HDHD2: variants seen among roughly 807,000 people sequenced by gnomAD.
HDHD2 encodes the protein haloacid dehalogenase-like hydrolase domain-containing protein 2.
In HDHD2, 26 loss-of-function variants were observed where a neutral mutation model predicts 24.8. That is an observed-to-expected ratio of 1.05 (90% CI 0.77 to 1.45). The LOEUF (loss-of-function observed/expected upper bound fraction) is 1.45, where lower values mean the gene tolerates loss of function less well. Among genes scored for constraint, HDHD2 ranks in the 40% most tolerant of loss-of-function variants. The pLI is 0.00. For missense variants in HDHD2, 299 were observed against 313.4 expected (o/e 0.95, Z 0.35); for synonymous variants, 128 against 114.9 (o/e 1.11, Z -0.73).
intron 4 of HDHD2, among the ~76,000 whole-genome samples, chr18:47,123,801 T>C (rs1185513562): frequency 6.6e-6 from 1 of 152,224 alleles, no homozygotes; most frequent in African/African-American, 2.4e-5. Flanking sequence ...GTACATACTG[T>C]CCAAATCCAT....
At chr18:47,112,926 G>T in intron 6 of HDHD2, 51 bp downstream of exon 6, 1 of 1,436,154 alleles carries the variant, frequency 7.0e-7, no homozygotes, top group Non-Finnish European at 9.8e-7. Flanking sequence ...TTAAGCAACT[G>T]TGTATTCTAC....
intron 1 of HDHD2, among the ~76,000 whole-genome samples, chr18:47,138,681 T>C (rs2571002): frequency 6.6e-6 from 1 of 152,046 alleles, no homozygotes; most frequent in Non-Finnish European, 1.5e-5. Context: ...AAATGATTTT[T>C]TCCACGATTC....
intron 1 of HDHD2, among the ~76,000 whole-genome samples, chr18:47,141,533 C>G (rs1025582067): frequency 2.6e-5 from 4 of 152,174 alleles, no homozygotes; most frequent in African/African-American, 9.7e-5. Context: ...TCAAATTCTT[C>G]TGTGAGAAAG....
chr18:47,146,304 A>G (rs1273484967), intron 1 of HDHD2, among the ~76,000 whole-genome samples: 3 of 152,116 alleles, frequency 2.0e-5, no homozygotes, highest in Non-Finnish European at 4.4e-5. Flanking sequence ...GGTAATCAGG[A>G]AAATGCAAAT....
At chr18:47,111,264 T>G (rs111517736) in intron 6 of HDHD2, 2 of 984,410 alleles carry the variant, frequency 2.0e-6, no homozygotes, top group Non-Finnish European at 2.4e-6. Context: ...CCAGTCACAA[T>G]AGACGACAGA....
rs143862755 is a variant in HDHD2, at chr18:47,130,304, G to A, written c.335C>T (p.Ala112Val). The change falls in exon 4 of 7, where the codon GCT becomes GTT. Residue 112 changes from alanine to valine, a missense_variant. Coordinates refer to ENST00000300605, the MANE Select transcript of HDHD2 (RefSeq NM_032124.5). ...FKGIQTSDPN[A>V]VVMGLAPEHF... ...TTCTGGTGCCAATCCCATGACCACA[G>A]CATTAGGATCACTTGTTTGTATTCC... 317 of 1,602,182 alleles carry A rather than the reference G, an allele frequency of 2.0e-4. 1 individual carries two copies. Among genetic ancestry groups the A allele is most frequent in the Middle Eastern group, 6.6e-4 (4 of 6,060 alleles).
chr18:47,129,318 A>C (rs918441527), intron 4 of HDHD2, among the ~76,000 whole-genome samples: 178 of 152,238 alleles, frequency 1.2e-3, no homozygotes, highest in Non-Finnish European at 2.1e-3. Context: ...TTTAAGTGAA[A>C]TGCACACATT....
chr18:47,137,261 G>T, intron 1 of HDHD2: 1 of 552,540 alleles, frequency 1.8e-6, no homozygotes, highest in East Asian at 3.8e-5. Flanking sequence ...GGAGGCTGAA[G>T]ATACAATGGA....
At position 47,108,646 on chromosome 18, in the gene HDHD2, G is replaced by T; in HGVS notation, c.*36C>A. 9.1e-7 allele frequency: 1 copy of T among 1,104,894 alleles called. No individual in the cohort carries two copies. The highest frequency in any genetic ancestry group is 1.4e-6 in the Non-Finnish European group (1 of 729,480). The allele number at this position is 1,104,894 out of a possible 1,614,324, so 68.4% of individuals were successfully genotyped here. A position where few individuals can be genotyped will look rare whatever the true frequency, so the allele number is the denominator to read the frequency against. On this transcript the variant is annotated 3_prime_UTR_variant, in exon 7 of 7. Transcript: ENST00000300605. ...AGGGATTCATTCCAGACAATAAGAA[G>T]CTGCATTTCAAGTTGCTTCAGATGC... is the stretch of plus-strand genomic sequence containing the variant.
chr18:47,146,892 G>A (rs1428653117), intron 1 of HDHD2, among the ~76,000 whole-genome samples: 1 of 152,136 alleles, frequency 6.6e-6, no homozygotes, highest in Non-Finnish European at 1.5e-5. Context: ...CAAACCAAGA[G>A]GAGCGCAAAG....
At chr18:47,128,468 G>A (rs928845972) in intron 4 of HDHD2, among the ~76,000 whole-genome samples, 1 of 152,206 alleles carries the variant, frequency 6.6e-6, no homozygotes, top group African/African-American at 2.4e-5. Flanking sequence ...TTAAGGAGCA[G>A]ATGGCATAGT....
intron 5 of HDHD2, among the ~76,000 whole-genome samples, chr18:47,114,730 T>G (rs940113147): frequency 6.6e-6 from 1 of 152,082 alleles, no homozygotes; most frequent in East Asian, 1.9e-4. Flanking sequence ...AAAAAAACAA[T>G]AGTGGTAGAA....
At chr18:47,146,508 G>T (rs1039997993) in intron 1 of HDHD2, among the ~76,000 whole-genome samples, 1 of 152,316 alleles carries the variant, frequency 6.6e-6, no homozygotes, top group South Asian at 2.1e-4. Flanking sequence ...ACCTTTGAGA[G>T]ATTCTTTCAC....
At chr18:47,128,995 G>T (rs11875258) in intron 4 of HDHD2, among the ~76,000 whole-genome samples, 3,995 of 151,654 alleles carry the variant, frequency 0.026, 61 homozygotes, top group Non-Finnish European at 0.041. Context: ...AGAAAATTCT[G>T]GTTTGTTTTT....
intron 4 of HDHD2, among the ~76,000 whole-genome samples, chr18:47,129,570 C>G (rs994522830): frequency 6.6e-6 from 1 of 152,138 alleles, no homozygotes. Context: ...TTTTCTTCAT[C>G]TCCACTGCCA....
rs1357997189 is a variant in HDHD2, at chr18:47,125,162, T to C, written c.395+5082A>G. On this transcript the variant is annotated intron_variant, in intron 4 of 6. Transcript: ENST00000300605. ...GGGTGACAGAGCAAGACCCTGTCTT[T>C]GAAAAAAATAACAACAAAAAAAAAC... Among the ~76,000 whole-genome samples, 3 of 151,662 alleles carry C rather than the reference T, an allele frequency of 2.0e-5. No individual in the cohort carries two copies. In the East Asian group the frequency reaches 5.8e-4, roughly 29 times the overall value.
intron 5 of HDHD2, 87 bp downstream of exon 5, chr18:47,115,045 T>C: frequency 1.1e-6 from 1 of 876,748 alleles, no homozygotes; most frequent in Non-Finnish European, 1.9e-6. Context: ...AGTAACAGAA[T>C]GTCCCCTTTC....
chr18:47,118,731 T>G (rs568156933), intron 4 of HDHD2, among the ~76,000 whole-genome samples: 1 of 152,302 alleles, frequency 6.6e-6, no homozygotes, highest in Non-Finnish European at 1.5e-5. Context: ...CCCCGGAATT[T>G]AAAATAAATT....
intron 4 of HDHD2, among the ~76,000 whole-genome samples, chr18:47,124,706 CAAAAAAAAAAAAA>C (rs34350751): frequency 1.8e-4 from 8 of 43,370 alleles, no homozygotes; most frequent in African/African-American, 6.0e-4. Context: ...AACTCTGACT[CAAAAAAAAAAAAA>C]AAAAAAAAAC....
Sources: allele counts gnomAD v4.1 joint callset (sites outside exome capture counted in the v4.1 genomes callset), GRCh38; gene constraint gnomAD v4.1.1; transcripts MANE v1.5; gene names NCBI Gene and HGNC (gene_info 2026-07-23, HGNC 2026-07-21).